LRRC37A2: variants seen among roughly 807,000 people sequenced by gnomAD.
The protein encoded by LRRC37A2 is leucine rich repeat containing 37 member A2.
LRRC37A2 carries 9 observed loss-of-function variants against 68.8 expected under a neutral mutation model. The observed-to-expected ratio is 0.13, with a 90% confidence interval of 0.08 to 0.23. The LOEUF is 0.23. Ranked by LOEUF, LRRC37A2 falls within the 10% of genes least tolerant of loss-of-function variation. The pLI is 1.00. For synonymous variants in LRRC37A2, 63 were observed against 367.6 expected (o/e 0.17, Z 9.48); for missense variants, 168 against 950.4 (o/e 0.18, Z 10.82).
chr17:46,720,742 CT>C, the LRRC37A2 span, among the ~76,000 whole-genome samples: 1 of 152,200 alleles, frequency 6.6e-6, no homozygotes, highest in Non-Finnish European at 1.5e-5. Context: ...TTTCTACTAA[CT>C]AGGTACTTCA....
At chr17:46,703,664 G>C in the LRRC37A2 span, among the ~76,000 whole-genome samples, 17,177 of 121,756 alleles carry the variant, frequency 0.14, 236 homozygotes, top group Middle Eastern at 0.25. Flanking sequence ...CTGGGGGACA[G>C]AGTGAGACTC....
chr17:46,498,964 G>A, the LRRC37A2 span, among the ~76,000 whole-genome samples: 1 of 150,594 alleles, frequency 6.6e-6, no homozygotes, highest in Admixed American at 6.6e-5. Flanking sequence ...GAGCTGATCT[G>A]AGGATAAAAT....
chr17:46,721,545 G>T, the LRRC37A2 span: 3 of 1,208,820 alleles, frequency 2.5e-6, no homozygotes, highest in Non-Finnish European at 3.6e-6. Context: ...TTTTCTGTGT[G>T]TGTGTGAATA....
the LRRC37A2 span, among the ~76,000 whole-genome samples, chr17:46,779,103 A>ACACACACACAC: frequency 2.1e-3 from 280 of 133,626 alleles, 6 homozygotes; most frequent in Middle Eastern, 7.4e-3. Context: ...ACACACACAC[A>ACACACACACAC]CCCCAGCCCA....
the LRRC37A2 span, chr17:46,851,740 C>T: frequency 8.1e-7 from 1 of 1,231,232 alleles, no homozygotes; most frequent in Non-Finnish European, 1.0e-6. This position sits in a 1 kb window ranked among gnomAD's most constrained non-coding sequence, Gnocchi z 4.3. Context: ...CGCCCCCCGC[C>T]CGCTCCCCGG....
chr17:47,013,473 A>T, the LRRC37A2 span, among the ~76,000 whole-genome samples: 7 of 152,210 alleles, frequency 4.6e-5, no homozygotes, highest in African/African-American at 7.2e-5. Flanking sequence ...GAGCATTTTT[A>T]AAATTTCTGG....
At chr17:46,511,690 T>C (rs2050962223) in intron 1 of LRRC37A2, 1 of 62,060 alleles carries the variant, frequency 1.6e-5, no homozygotes, top group Non-Finnish European at 4.0e-5. Context: ...GTCTCGAACT[T>C]CTGACCTCAG....
At chr17:46,983,173 C>A in the LRRC37A2 span, among the ~76,000 whole-genome samples, 1 of 151,958 alleles carries the variant, frequency 6.6e-6, no homozygotes, top group Non-Finnish European at 1.5e-5. Flanking sequence ...TGTGGTCTGG[C>A]CATTGTCTAT....
chr17:47,003,428 G>C, the LRRC37A2 span, among the ~76,000 whole-genome samples: 17 of 152,202 alleles, frequency 1.1e-4, no homozygotes, highest in African/African-American at 3.6e-4. Flanking sequence ...CACACAACAG[G>C]GGGGCAGGGC....
the LRRC37A2 span, among the ~76,000 whole-genome samples, chr17:46,828,685 C>T: frequency 4.6e-5 from 7 of 151,552 alleles, no homozygotes; most frequent in Admixed American, 3.9e-4. Flanking sequence ...AGGTCGGGCA[C>T]GGTGGCTCAT....
chr17:46,858,978 C>CCT, the LRRC37A2 span, among the ~76,000 whole-genome samples: 5 of 134,236 alleles, frequency 3.7e-5, no homozygotes, highest in African/African-American at 1.4e-4. Flanking sequence ...ATAATTTTAG[C>CCT]TTTTTTTTTT....
At chr17:46,920,130 C>A in the LRRC37A2 span, among the ~76,000 whole-genome samples, 1 of 152,156 alleles carries the variant, frequency 6.6e-6, no homozygotes, top group Non-Finnish European at 1.5e-5. Flanking sequence ...CTCTACCAGG[C>A]AGACACAATA....
At chr17:46,997,533 T>C in the LRRC37A2 span, among the ~76,000 whole-genome samples, 1 of 152,194 alleles carries the variant, frequency 6.6e-6, no homozygotes, top group Non-Finnish European at 1.5e-5. Context: ...AAAATCTTAA[T>C]CTGATCAGGC....
chr17:47,013,726 C>T, the LRRC37A2 span, among the ~76,000 whole-genome samples: 1 of 152,196 alleles, frequency 6.6e-6, no homozygotes, highest in Non-Finnish European at 1.5e-5. Context: ...TCCTTGCTAA[C>T]TTTATTTCAG....
the LRRC37A2 span, among the ~76,000 whole-genome samples, chr17:46,986,579 C>T: frequency 6.6e-6 from 1 of 152,174 alleles, no homozygotes; most frequent in Non-Finnish European, 1.5e-5. Context: ...AGCTTCACTG[C>T]CAGCCGTCAC....
the LRRC37A2 span, among the ~76,000 whole-genome samples, chr17:46,945,644 G>A: frequency 2.0e-5 from 3 of 152,100 alleles, no homozygotes; most frequent in East Asian, 1.9e-4. Context: ...TTTCCAGCCC[G>A]AGCAACAGGA....
At chr17:46,500,693 GT>G in the LRRC37A2 span, among the ~76,000 whole-genome samples, 1 of 151,028 alleles carries the variant, frequency 6.6e-6, no homozygotes, top group African/African-American at 2.5e-5. Context: ...GTTGTTTTTT[GT>G]TTTTTTCTTT....
intron 6 of LRRC37A2, among the ~76,000 whole-genome samples, chr17:46,539,546 T>A (rs374638295): frequency 0.48 from 64,358 of 135,094 alleles, 16,538 homozygotes; most frequent in South Asian, 0.68. Flanking sequence ...GTAGATCACC[T>A]GAGGTCAAGA....
the LRRC37A2 span, among the ~76,000 whole-genome samples, chr17:46,797,391 G>T: frequency 6.6e-6 from 1 of 152,222 alleles, no homozygotes; most frequent in Non-Finnish European, 1.5e-5. Context: ...GGAAGTTCAG[G>T]GCCAAGTGGA....
Sources: gnomAD v4.1 joint callset for allele counts (sites outside exome capture counted in the v4.1 genomes callset) on GRCh38, gnomAD v4.1.1 for gene constraint, Gnocchi (gnomAD v3.1) non-coding constraint, MANE v1.5 for transcripts, NCBI Gene and HGNC (gene_info 2026-07-23, HGNC 2026-07-21) for gene names.